Variants in NOTCH3 observed in about 807,000 individuals in gnomAD.
The protein encoded by NOTCH3 is notch receptor 3.
A neutral mutation model predicts 213.3 loss-of-function variants in NOTCH3; 86 were observed. That is an observed-to-expected ratio of 0.40 (90% CI 0.34 to 0.48). The LOEUF is 0.48. NOTCH3 is among the 20% of genes least tolerant of loss of function. The probability of loss-of-function intolerance (pLI) is 0.57; values close to 1 mark genes in which losing one functional copy is unlikely to be tolerated. For missense variants in NOTCH3, 2,783 were observed against 3,272.6 expected (o/e 0.85, Z 3.65); for synonymous variants, 1,354 against 1,355.9 (o/e 1.00, Z 0.03).
Position 15,192,125 on chromosome 19 carries a change from C to T in NOTCH3, c.514G>A (p.Gly172Ser). 1 of 1,613,056 alleles carries T rather than the reference C, an allele frequency of 6.2e-7. No homozygotes were observed. Among genetic ancestry groups the T allele is most frequent in the Non-Finnish European group, 8.5e-7 (1 of 1,180,008 alleles). The change falls in exon 4 of 33, where the codon GGC becomes AGC. Residue 172 changes from glycine (G) to serine (S), a missense_variant. Physicochemically the swap from Gly to Ser is moderately conservative, Grantham distance 56. Around this residue, in one of 6 missense-constraint regions of NOTCH3, gnomAD observed 708 missense variants for 906.6 expected, o/e 0.78. Transcript: ENST00000263388. Reference protein sequence around the residue: ...CRVGEPCRHGGTCLNTPGSFR... With the variant: ...CRVGEPCRHGSTCLNTPGSFR... ...GAGCCAGGTGTGTTGAGGCAGGTGC[C>T]ACCATGGCGGCAGGGCTCACCCACC...
At position 15,160,242 on chromosome 19, in the gene NOTCH3, T is replaced by A. The variant is rs2046628331; in HGVS notation, c.*420A>T. ...CACAGGGGGAGGGAGCATCTCCATA[T>A]ATATATTTTGTAAAAAATAATAATA... On this transcript the variant is annotated 3_prime_UTR_variant, in exon 33 of 33. Transcript: ENST00000263388. 1 of 243,178 alleles carries A rather than the reference T, an allele frequency of 4.1e-6. No homozygotes were observed. The highest frequency in any genetic ancestry group is 5.4e-5 in the Admixed American group (1 of 18,452). 15.1% of individuals were successfully genotyped at this position (243,178 alleles called of 1,614,324 possible). A position where few individuals can be genotyped will look rare whatever the true frequency, so the allele number is the denominator to read the frequency against.
In NOTCH3 at chr19:15,161,431, G is replaced by A. The variant is rs2145382728; in HGVS notation, c.6197C>T (p.Pro2066Leu). ...AQSGSKKSRR[P>L]PGKAGLGPQG... is the part of the protein sequence containing the mutation. ...CGGCCCCAGCCCCGCCTTCCCGGGGGGCCTCCTGCTCTTCTTGGACCCCGA... is the reference window on the plus strand; with the variant it reads ...CGGCCCCAGCCCCGCCTTCCCGGGGAGCCTCCTGCTCTTCTTGGACCCCGA... The change falls in exon 33 of 33, where the codon CCC becomes CTC. Residue 2066 changes from proline to leucine, a missense_variant. Transcript: ENST00000263388. The A allele has an allele frequency of 6.5e-7, 1 of 1,537,354 alleles. No homozygotes were observed. Among genetic ancestry groups the A allele is most frequent in the Non-Finnish European group, 8.8e-7 (1 of 1,139,578 alleles).
rs1007755685 is a variant in NOTCH3, at chr19:15,178,027, C to T, written c.3901G>A (p.Gly1301Ser). Residue 1301 changes from glycine (G) to serine (S), a missense_variant, in exon 24 of 33, where the codon GGC becomes AGC. Transcript: ENST00000263388. ...RSCRELQCPV[G>S]VPCQQTPRGP... ...CGGGGCGTCTGCTGGCATGGGACGC[C>T]CACCGGGCACTGCAGCTCCCGGCAG... The T allele has an allele frequency of 2.0e-5, 30 of 1,506,966 alleles. No homozygotes were observed. In the African/African-American group the frequency reaches 3.6e-4, roughly 18 times the overall value. The allele number at this position is 1,506,966 out of a possible 1,614,324, so 93.3% of individuals were successfully genotyped here.
In NOTCH3 at chr19:15,161,689, G is replaced by A. The variant is rs2046645303; in HGVS notation, c.5939C>T (p.Ala1980Val). The A allele has an allele frequency of 6.2e-7, 1 of 1,613,772 alleles. No homozygotes were observed. The highest frequency in any genetic ancestry group is 1.3e-5 in the African/African-American group (1 of 74,946). Residue 1980 changes from alanine (A) to valine (V), a missense_variant, in exon 33 of 33, where the codon GCC becomes GTC. By Grantham distance (64) the Ala-to-Val change is moderately conservative. Coordinates refer to ENST00000263388, the MANE Select transcript of NOTCH3 (RefSeq NM_000435.3). ...SKEETPLFLA[A>V]REGSYEAAKL... ...GGCAGCCTCATAGCTGCCCTCGCGG[G>A]CGGCCAGGAATAGGGGGGTCTCCTC...
chr19:15,170,500 C>A lies in NOTCH3; in HGVS notation c.4945G>T (p.Ala1649Ser). 6.2e-7 allele frequency: 1 copy of A among 1,610,164 alleles called. No individual in the cohort carries two copies. The highest frequency in any genetic ancestry group is 8.5e-7 in the Non-Finnish European group (1 of 1,179,960). The stretch of plus-strand genomic sequence containing the variant: ...ATGACCAGCAGCAAGACAGCGCCCG[C>A]CACTAGCAGTGGCAGCAGCGGGACG... ...PSVPLLPLLV[A>S]GAVLLLVILV... The change falls in exon 27 of 33, where the codon GCG becomes TCG. Residue 1649 changes from alanine (A) to serine (S), a missense_variant. Around this residue, in one of 6 missense-constraint regions of NOTCH3, gnomAD observed 636 missense variants for 801.8 expected, o/e 0.79. Coordinates refer to ENST00000263388, the MANE Select transcript of NOTCH3 (RefSeq NM_000435.3).
intron 1 of NOTCH3, among the ~76,000 whole-genome samples, chr19:15,199,683 C>T (rs533077839): frequency 6.6e-6 from 1 of 152,310 alleles, no homozygotes; most frequent in South Asian, 2.1e-4. Flanking sequence ...TGTGTGCCAG[C>T]GAGTGTGTCA....
At position 15,170,560 on chromosome 19, in the gene NOTCH3, G is replaced by T; in HGVS notation, c.4892-7C>A. The T allele has an allele frequency of 6.2e-7, 1 of 1,607,890 alleles. No individual in the cohort carries two copies. The highest frequency in any genetic ancestry group is 1.7e-4 in the Middle Eastern group (1 of 6,058). On this transcript the variant is annotated splice_polypyrimidine_tract_variant and splice_region_variant and intron_variant, in intron 26 of 32. Transcript: ENST00000263388. ...GGAGGCTCCAGCGGCTCCCCTAAGAGCAGGAAGCAGAGGGCGGGGCTTCAG... is the reference window on the plus strand; with the variant it reads ...GGAGGCTCCAGCGGCTCCCCTAAGATCAGGAAGCAGAGGGCGGGGCTTCAG...
In NOTCH3 at chr19:15,180,832, G is replaced by C. The variant is rs774326191; in HGVS notation, c.2995-4C>G. 1 of 1,612,488 alleles carries C rather than the reference G, an allele frequency of 6.2e-7. No homozygotes were observed. Among genetic ancestry groups the C allele is most frequent in the East Asian group, 2.2e-5 (1 of 44,868 alleles). ...GGCTGCACCAATCCACCAGCGTCTG[G>C]AGGGGAAGCACTCAGAGTCAGTACT... On this transcript the variant is annotated splice_polypyrimidine_tract_variant and splice_region_variant and intron_variant, in intron 18 of 32. Coordinates refer to ENST00000263388, the MANE Select transcript of NOTCH3 (RefSeq NM_000435.3).
At chr19:15,184,228 G>A (rs2145427460) in intron 16 of NOTCH3, 67 bp downstream of exon 16, 1 of 1,449,922 alleles carries the variant, frequency 6.9e-7, no homozygotes, top group Non-Finnish European at 9.7e-7. Flanking sequence ...ACAGTGCCAG[G>A]CACACAGTTC....
chr19:15,197,817 G>A (rs1348020564), intron 1 of NOTCH3, among the ~76,000 whole-genome samples: 1 of 149,168 alleles, frequency 6.7e-6, no homozygotes, highest in African/African-American at 2.4e-5. Context: ...ACAAAGCAGG[G>A]GAAGGCAGGA....
chr19:15,166,202 T>G, intron 29 of NOTCH3, 111 bp from the exon 30 acceptor site: 2 of 886,726 alleles, frequency 2.3e-6, no homozygotes, highest in South Asian at 1.4e-5. Context: ...AAATGACAAT[T>G]AGCAGATCCT....
chr19:15,185,155 G>A lies in NOTCH3; in HGVS notation c.2296+102C>T, dbSNP rs1342836931. The stretch of plus-strand genomic sequence containing the variant: ...AGCTCCTGGAGGGAAATGATTGAAA[G>A]CAAAAAAGAAGCTAACATAGCGGGA... On this transcript the variant is annotated intron_variant, in intron 14 of 32. Coordinates refer to ENST00000263388, the MANE Select transcript of NOTCH3 (RefSeq NM_000435.3). This position sits in a 1 kb window ranked among gnomAD's most constrained non-coding sequence, Gnocchi z 4.2. 6.6e-7 allele frequency: 1 copy of A among 1,507,120 alleles called. No homozygotes were observed. The highest frequency in any genetic ancestry group is 9.2e-7 in the Non-Finnish European group (1 of 1,092,576). 93.4% of individuals were successfully genotyped at this position (1,507,120 alleles called of 1,614,324 possible).
Position 15,181,011 on chromosome 19 carries a change from G to C in NOTCH3, c.2944C>G (p.Pro982Ala), listed in dbSNP as rs1442924453. Residue 982 changes from proline to alanine, a missense_variant, in exon 18 of 33, where the codon CCT becomes GCT. This residue lies in a region of NOTCH3 where 861 missense variants were observed against 909.1 expected (regional missense o/e 0.95). Coordinates refer to ENST00000263388, the MANE Select transcript of NOTCH3 (RefSeq NM_000435.3). Reference sequence around the variant, plus strand: ...TCGAGGCAGGTGCAGCGGAAGCCAGGGTGGGCGGCGCTGCAGACGCCCCCG... The same window carrying C: ...TCGAGGCAGGTGCAGCGGAAGCCAGCGTGGGCGGCGCTGCAGACGCCCCCG... ...LHGGVCSAAH[P>A]GFRCTCLESF... 1.9e-6 allele frequency: 3 copies of C among 1,598,324 alleles called. No individual in the cohort carries two copies. The highest frequency in any genetic ancestry group is 1.3e-5 in the African/African-American group (1 of 74,664).
At chr19:15,192,555 G>A (rs2145444103) in intron 2 of NOTCH3, 36 bp from the exon 3 acceptor site, 1 of 1,556,182 alleles carries the variant, frequency 6.4e-7, no homozygotes, top group Non-Finnish European at 8.7e-7. Context: ...GCAGCACAGG[G>A]CAGGATGGCC....
In NOTCH3 at chr19:15,161,841, C is replaced by T. The variant is rs1391541457; in HGVS notation, c.5914-127G>A. The T allele has an allele frequency of 6.4e-6, 5 of 781,362 alleles. No individual in the cohort carries two copies. In the South Asian group the frequency reaches 7.2e-5, roughly 11 times the overall value. 48.4% of individuals were successfully genotyped at this position (781,362 alleles called of 1,614,324 possible). A position where few individuals can be genotyped will look rare whatever the true frequency, so the allele number is the denominator to read the frequency against. On this transcript the variant is annotated intron_variant, in intron 32 of 32. Coordinates refer to ENST00000263388, the MANE Select transcript of NOTCH3 (RefSeq NM_000435.3). ...GAGCTTGACAGACCTGGGTTAAATCCCGGCTGTGCTGGGGGAGCCTGGACA... is the reference window on the plus strand; with the variant it reads ...GAGCTTGACAGACCTGGGTTAAATCTCGGCTGTGCTGGGGGAGCCTGGACA...
At chr19:15,186,161 A>C (rs1168812984) in intron 12 of NOTCH3, among the ~76,000 whole-genome samples, 1 of 151,734 alleles carries the variant, frequency 6.6e-6, no homozygotes, top group Non-Finnish European at 1.5e-5. Context: ...ACAGGGTTTC[A>C]TTATGTTGCC....
chr19:15,174,112 G>C lies in NOTCH3; in HGVS notation c.4692C>G (p.Gly1564=). ...GCTCCCGACGGGCCCGGGGTTCGGAGCCAGGACTAGGCCGGTGGTAAGGGA... is the reference window on the plus strand; with the variant it reads ...GCTCCCGACGGGCCCGGGGTTCGGACCCAGGACTAGGCCGGTGGTAAGGGA... ...MVFPYHRPSP[G]SEPRARRELA... The change falls in exon 25 of 33, where the codon GGC becomes GGG. Residue 1564 remains glycine, a synonymous_variant. Transcript: ENST00000263388. 6.3e-7 allele frequency: 1 copy of C among 1,596,658 alleles called. No homozygotes were observed. The highest frequency in any genetic ancestry group is 1.1e-5 in the South Asian group (1 of 90,594).
chr19:15,176,502 C>T (rs2046790986), intron 24 of NOTCH3, among the ~76,000 whole-genome samples: 1 of 151,996 alleles, frequency 6.6e-6, no homozygotes, highest in African/African-American at 2.4e-5. Context: ...GGCTCAGGCC[C>T]ACAATCCCAG....
chr19:15,174,597 A>C (rs1342036413), intron 24 of NOTCH3, among the ~76,000 whole-genome samples, 197 bp from the exon 25 acceptor site: 5 of 146,144 alleles, frequency 3.4e-5, no homozygotes, highest in Non-Finnish European at 5.9e-5. Context: ...TTTGAGACGG[A>C]GTCTTGCTCT....
Sources: allele counts gnomAD v4.1 joint callset (sites outside exome capture counted in the v4.1 genomes callset), GRCh38; gene constraint gnomAD v4.1.1; regional missense constraint gnomAD v4.1.1; non-coding constraint Gnocchi (gnomAD v3.1); transcripts MANE v1.5; gene names NCBI Gene and HGNC (gene_info 2026-07-23, HGNC 2026-07-21).